The following SHISA9 variants were observed in gnomAD, a reference collection of about 807,000 sequenced individuals.
SHISA9 encodes the protein shisa family member 9, also known as protein shisa-9.
SHISA9 carries 13 observed loss-of-function variants against 38.0 expected under a neutral mutation model. That is an observed-to-expected ratio of 0.34 (90% CI 0.22 to 0.54). SHISA9 has a LOEUF of 0.54. Among genes scored for constraint, SHISA9 ranks in the 20% least tolerant of loss-of-function variants. The probability of loss-of-function intolerance (pLI) is 0.91; values close to 1 mark genes in which losing one functional copy is unlikely to be tolerated. For synonymous variants in SHISA9, 275 were observed against 242.0 expected, an observed-to-expected ratio of 1.14 and a Z score of -1.27; for missense variants, 538 against 575.8, an observed-to-expected ratio of 0.93 and a Z score of 0.67.
chr16:13,365,508 G>T, the SHISA9 span, among the ~76,000 whole-genome samples: 55 of 136,410 alleles, frequency 4.0e-4, no homozygotes, highest in African/African-American at 1.5e-3. Context: ...CTAGGCTGTA[G>T]AACAGTGGCG....
intron 2 of SHISA9, among the ~76,000 whole-genome samples, chr16:13,102,504 A>C (rs994971931): frequency 5.3e-5 from 8 of 152,178 alleles, no homozygotes; most frequent in Non-Finnish European, 1.0e-4. Flanking sequence ...ACTGAGAGGC[A>C]AGGGAGAGAA....
chr16:13,330,259 A>AT, the SHISA9 span, among the ~76,000 whole-genome samples: 1 of 152,178 alleles, frequency 6.6e-6, no homozygotes, highest in Non-Finnish European at 1.5e-5. Flanking sequence ...ATCAACCAGG[A>AT]TTTTTTTCAT....
the SHISA9 span, among the ~76,000 whole-genome samples, chr16:13,257,731 TA>T: frequency 2.0e-5 from 3 of 152,214 alleles, no homozygotes; most frequent in African/African-American, 7.2e-5. Context: ...TAAAAGCCCT[TA>T]ACATGACTTT....
At chr16:13,022,104 A>T (rs2072862827) in intron 2 of SHISA9, among the ~76,000 whole-genome samples, 1 of 151,984 alleles carries the variant, frequency 6.6e-6, no homozygotes, top group African/African-American at 2.4e-5. Flanking sequence ...CTCTGTCTCC[A>T]CATGGCCTTG....
At chr16:12,917,882 C>A (rs372490684) in intron 2 of SHISA9, among the ~76,000 whole-genome samples, 1 of 152,120 alleles carries the variant, frequency 6.6e-6, no homozygotes, top group Non-Finnish European at 1.5e-5. Context: ...TAGTTTTGGA[C>A]TGTTTGGTTG....
chr16:13,407,640 G>T, the SHISA9 span, among the ~76,000 whole-genome samples: 1 of 152,134 alleles, frequency 6.6e-6, no homozygotes, highest in African/African-American at 2.4e-5. Flanking sequence ...AATGTGTCCT[G>T]TCTAAGGGGA....
chr16:13,503,456 C>G, the SHISA9 span, among the ~76,000 whole-genome samples: 1 of 152,282 alleles, frequency 6.6e-6, no homozygotes, highest in East Asian at 1.9e-4. Flanking sequence ...CTCTGTCATG[C>G]TGATGCATTC....
intron 2 of SHISA9, among the ~76,000 whole-genome samples, chr16:12,943,165 G>T (rs1430429012): frequency 6.6e-6 from 1 of 152,078 alleles, no homozygotes; most frequent in Non-Finnish European, 1.5e-5. Context: ...ACGAGGGGAG[G>T]TGGTGCTCTG....
At chr16:13,457,540 T>C in the SHISA9 span, among the ~76,000 whole-genome samples, 15 of 151,968 alleles carry the variant, frequency 9.9e-5, no homozygotes, top group Non-Finnish European at 1.5e-4. Flanking sequence ...AGCCTAAGTT[T>C]TGAATGACTC....
chr16:13,381,030 T>C, the SHISA9 span, among the ~76,000 whole-genome samples: 1 of 152,118 alleles, frequency 6.6e-6, no homozygotes, highest in South Asian at 2.1e-4. Flanking sequence ...TAGTATTCCA[T>C]GGTGTATATG....
chr16:13,440,964 G>A, the SHISA9 span, among the ~76,000 whole-genome samples: 10 of 152,026 alleles, frequency 6.6e-5, no homozygotes, highest in African/African-American at 2.4e-4. Context: ...TCCAGATCCC[G>A]GGAGGGATAA....
At chr16:13,247,424 A>G in the SHISA9 span, among the ~76,000 whole-genome samples, 1 of 152,190 alleles carries the variant, frequency 6.6e-6, no homozygotes, top group African/African-American at 2.4e-5. Flanking sequence ...TTTTAAAGAT[A>G]AGGGAACTGA....
At chr16:13,063,375 G>GA (rs371118821) in intron 2 of SHISA9, among the ~76,000 whole-genome samples, 2,161 of 146,172 alleles carry the variant, frequency 0.015, 45 homozygotes, top group African/African-American at 0.048. Flanking sequence ...ACCTTAAATG[G>GA]AAAAAAAAAA....
chr16:13,319,634 G>C, the SHISA9 span, among the ~76,000 whole-genome samples: 1 of 151,944 alleles, frequency 6.6e-6, no homozygotes, highest in Non-Finnish European at 1.5e-5. Context: ...GTGTGCGTGG[G>C]GAGCAGGGGG....
intron 2 of SHISA9, among the ~76,000 whole-genome samples, chr16:13,158,601 T>C (rs2142010628): frequency 6.6e-6 from 1 of 152,284 alleles, no homozygotes; most frequent in East Asian, 1.9e-4. Flanking sequence ...ACACATCTGA[T>C]TGGCCAAGCC....
intron 2 of SHISA9, among the ~76,000 whole-genome samples, chr16:13,086,353 C>CAAAAAAAAAAAA (rs767516512): frequency 3.9e-5 from 2 of 50,968 alleles, no homozygotes; most frequent in African/African-American, 7.7e-5. Context: ...GATTCCATCT[C>CAAAAAAAAAAAA]AAAAAAAAAA....
At chr16:13,309,559 C>T in the SHISA9 span, among the ~76,000 whole-genome samples, 3 of 149,540 alleles carry the variant, frequency 2.0e-5, no homozygotes, top group East Asian at 6.1e-4. Flanking sequence ...ATGACGATCA[C>T]TTGAACCCGG....
the SHISA9 span, among the ~76,000 whole-genome samples, chr16:13,321,870 CACTA>C: frequency 6.6e-6 from 1 of 152,150 alleles, no homozygotes; most frequent in Non-Finnish European, 1.5e-5. Context: ...TTTTGGAATT[CACTA>C]ACTGTGAAAT....
intron 2 of SHISA9, among the ~76,000 whole-genome samples, chr16:13,030,545 TGTACTCAAAAA>T (rs2072978663): frequency 6.6e-6 from 1 of 152,216 alleles, no homozygotes; most frequent in Admixed American, 6.5e-5. Flanking sequence ...AGAACCTGTC[TGTACTCAAAAA>T]TGATTTCAGA....
Sources: allele counts gnomAD v4.1 joint callset (sites outside exome capture counted in the v4.1 genomes callset), GRCh38; gene constraint gnomAD v4.1.1; transcripts MANE v1.5; gene names NCBI Gene and HGNC (gene_info 2026-07-23, HGNC 2026-07-21).